Variants in DENND4C observed in about 807,000 individuals in gnomAD.
The protein encoded by DENND4C is DENN domain containing 4C, also known as DENN domain-containing protein 4C.
Under a neutral mutation model 203.0 loss-of-function variants are expected in DENND4C, and 108 were observed. The observed-to-expected ratio is 0.53, with a 90% CI of 0.46 to 0.62. The LOEUF is 0.62. Ranked by LOEUF, DENND4C falls within the 20% of genes least tolerant of loss-of-function variation. DENND4C has a pLI of 0.00. For missense variants in DENND4C, 2,481 were observed against 2,301.2 expected (o/e 1.08, Z -1.60); for synonymous variants, 871 against 792.4 (o/e 1.10, Z -1.67).
chr9:19,261,890 A>C (rs55973165), intron 1 of DENND4C, among the ~76,000 whole-genome samples: 2 of 151,716 alleles, frequency 1.3e-5, no homozygotes, highest in African/African-American at 2.4e-5. Context: ...TACTTCTTTG[A>C]TTATTAGGTT....
Position 19,361,902 on chromosome 9 carries a change from G to A in DENND4C, c.5463G>A (p.Trp1821Ter). The change falls in exon 30 of 33, where the codon TGG (tryptophan) becomes TGA (stop). Residue 1821 changes from tryptophan to a stop codon, truncating the protein, a stop_gained. Transcript: ENST00000434457. LOFTEE classifies it high-confidence loss of function. ...DSKLVYIQLL[W>*]DNINLHQEPR... ...AACTTGTGTATATTCAGCTGTTATG[G>A]GATAATATCAACCTTCATCAGGAAC... 1 of 1,612,766 alleles carries A rather than the reference G, an allele frequency of 6.2e-7. No individual in the cohort carries two copies. The highest frequency in any genetic ancestry group is 8.5e-7 in the Non-Finnish European group (1 of 1,178,992).
intron 29 of DENND4C, among the ~76,000 whole-genome samples, chr9:19,360,744 A>T (rs935239460): frequency 1.3e-5 from 2 of 152,168 alleles, no homozygotes; most frequent in Non-Finnish European, 2.9e-5. Context: ...CCAAGCTGTC[A>T]CATCTACTTT....
At chr9:19,273,952 A>G (rs1426932433) in intron 1 of DENND4C, among the ~76,000 whole-genome samples, 1 of 152,078 alleles carries the variant, frequency 6.6e-6, no homozygotes, top group Non-Finnish European at 1.5e-5. Flanking sequence ...AGATTTGTAC[A>G]TGGGTATTCA....
Position 19,242,156 on chromosome 9 carries a change from T to C in DENND4C, c.-18+11323T>C, listed in dbSNP as rs560536116. ...TAGTTTTGCCTTTTCTGGGATGTCT[T>C]ATAATTGAAATCATATAGTATGTAG... On this transcript the variant is annotated intron_variant, in intron 1 of 32. Coordinates refer to ENST00000434457, the MANE Select transcript of DENND4C (RefSeq NM_001330640.2). Among the ~76,000 whole-genome samples the C allele has an allele frequency of 1.2e-4, 19 of 152,352 alleles. No homozygotes were observed. In the South Asian group the frequency reaches 3.9e-3, roughly 32 times the overall value.
At chr9:19,247,665 T>C (rs1395411662) in intron 1 of DENND4C, among the ~76,000 whole-genome samples, 4 of 152,126 alleles carry the variant, frequency 2.6e-5, no homozygotes, top group African/African-American at 9.7e-5. Context: ...AAGGACTAGG[T>C]TTATAGGTGT....
At chr9:19,305,634 C>G in intron 10 of DENND4C, 107 bp downstream of exon 10, 2 of 1,185,372 alleles carry the variant, frequency 1.7e-6, no homozygotes, top group East Asian at 2.4e-5. Context: ...GTTGTTAAAT[C>G]TTCGTCTTAA....
rs1333146551 is a variant in DENND4C at position 19,299,274 on chromosome 9, C to T, written c.1153C>T (p.Pro385Ser). The T allele has an allele frequency of 1.3e-6, 2 of 1,579,378 alleles. No individual in the cohort carries two copies. Among genetic ancestry groups the T allele is most frequent in the African/African-American group, 1.4e-5 (1 of 72,632 alleles). ...AATATTATCACAGCCAGTTTCTACA[C>T]CTTTACCACTAAGGTAATTACTGGT... Reference protein sequence around the residue: ...ALILSQPVSTPLPLSGANFST... With the variant: ...ALILSQPVSTSLPLSGANFST... Residue 385 changes from proline (P) to serine (S), a missense_variant, in exon 8 of 33, where the codon CCT becomes TCT. Coordinates refer to ENST00000434457, the MANE Select transcript of DENND4C (RefSeq NM_001330640.2).
intron 20 of DENND4C, among the ~76,000 whole-genome samples, chr9:19,340,130 A>G (rs992079885): frequency 1.3e-5 from 2 of 152,074 alleles, no homozygotes; most frequent in Admixed American, 6.5e-5. Context: ...GTTCTTTTTC[A>G]TGGGGAATAG....
At chr9:19,273,259 A>G (rs781357407) in intron 1 of DENND4C, among the ~76,000 whole-genome samples, 1 of 151,336 alleles carries the variant, frequency 6.6e-6, no homozygotes, top group Non-Finnish European at 1.5e-5. Context: ...CAATTTTTGT[A>G]TTTTTTAGTA....
At chr9:19,330,496 C>A (rs981411713) in intron 16 of DENND4C, among the ~76,000 whole-genome samples, 5 of 151,790 alleles carry the variant, frequency 3.3e-5, no homozygotes, top group African/African-American at 9.7e-5. Context: ...CCCACCAACA[C>A]GCCCAACTAA....
intron 2 of DENND4C, 82 bp downstream of exon 2, chr9:19,276,561 A>G: frequency 2.5e-6 from 2 of 800,844 alleles, no homozygotes; most frequent in Non-Finnish European, 1.7e-6. Flanking sequence ...GAAATCCTTG[A>G]TAGTTTTATT....
chr9:19,296,301 A>G (rs996335504), intron 6 of DENND4C, 55 bp downstream of exon 6: 16 of 1,200,644 alleles, frequency 1.3e-5, no homozygotes, highest in African/African-American at 3.1e-5. Flanking sequence ...ATAAATATAT[A>G]CATTTGTTTG....
In DENND4C at chr9:19,358,449, C is replaced by G. The variant is rs1825833635; in HGVS notation, c.5160+289C>G. On this transcript the variant is annotated intron_variant, in intron 28 of 32. Coordinates refer to ENST00000434457, the MANE Select transcript of DENND4C (RefSeq NM_001330640.2). The surrounding 1 kb of genome is among the most constrained non-coding windows in gnomAD (Gnocchi z 4.8). ...TTTGAGATTATTTTGAAGCAAATTT[C>G]AAACATCACATATTCTGTTAGTAAA... Among the ~76,000 whole-genome samples the G allele has an allele frequency of 6.6e-6, 1 of 152,098 alleles. No homozygotes were observed. Among genetic ancestry groups the G allele is most frequent in the African/African-American group, 2.4e-5 (1 of 41,402 alleles).
chr9:19,352,442 A>T (rs777568324), intron 25 of DENND4C, 48 bp from the exon 26 acceptor site: 3 of 1,482,946 alleles, frequency 2.0e-6, no homozygotes, highest in East Asian at 4.6e-5. Context: ...TCCTGTTAAG[A>T]TTAATTTTTA....
chr9:19,372,947 T>G lies in DENND4C; in HGVS notation c.*774T>G, dbSNP rs1422293652. 1 of 151,530 alleles carries G rather than the reference T, an allele frequency of 6.6e-6. No homozygotes were observed. The highest frequency in any genetic ancestry group is 1.5e-5 in the Non-Finnish European group (1 of 67,918). The allele number at this position is 151,530 out of a possible 1,614,324, so 9.4% of individuals were successfully genotyped here. A position where few individuals can be genotyped will look rare whatever the true frequency, so the allele number is the denominator to read the frequency against. On this transcript the variant is annotated 3_prime_UTR_variant, in exon 33 of 33. Transcript: ENST00000434457. ...GTGTAGGTATGTGTATATACAGCCA[T>G]ATTCTAAGTGTATATTTATTAAAAT...
chr9:19,357,120 A>G lies in DENND4C; in HGVS notation c.4930A>G (p.Ile1644Val), dbSNP rs1466044437. 2.5e-6 allele frequency: 4 copies of G among 1,613,952 alleles called. No homozygotes were observed. The African/African-American group carries it at 4.0e-5, about 16-fold the overall frequency. ...FMDFPKHNQI[I>V]TEETGSAVEP... ...GGACTTCCCAAAACATAACCAGATCATAACTGAAGAAACAGGCTCTGCAGT... is the reference window on the plus strand; with the variant it reads ...GGACTTCCCAAAACATAACCAGATCGTAACTGAAGAAACAGGCTCTGCAGT... The change falls in exon 27 of 33, where the codon ATA becomes GTA. Residue 1644 changes from isoleucine (I) to valine (V), a missense_variant. Ile to Val is a conservative substitution (Grantham distance 29). Transcript: ENST00000434457.
At chr9:19,320,847 C>G (rs1175820556) in intron 12 of DENND4C, among the ~76,000 whole-genome samples, 1 of 152,160 alleles carries the variant, frequency 6.6e-6, no homozygotes, top group Non-Finnish European at 1.5e-5. Flanking sequence ...TTGCCTGGAT[C>G]CACTAGAAGG....
In DENND4C at chr9:19,336,912, T is replaced by C; in HGVS notation, c.2881+80T>C. ...CTTTTTCAAAAAGCTTCTTCCATTC[T>C]TGAGTTTGTGTGATATGACTACTTT... On this transcript the variant is annotated intron_variant, in intron 20 of 32. Transcript: ENST00000434457. The C allele has an allele frequency of 1.4e-6, 2 of 1,391,398 alleles. 1 individual carries two copies. The highest frequency in any genetic ancestry group is 2.8e-5 in the South Asian group (2 of 71,816). 86.2% of individuals were successfully genotyped at this position (1,391,398 alleles called of 1,614,324 possible).
intron 26 of DENND4C, among the ~76,000 whole-genome samples, chr9:19,356,387 T>C (rs1825401186): frequency 6.6e-6 from 1 of 152,074 alleles, no homozygotes; most frequent in African/African-American, 2.4e-5. Flanking sequence ...ATTAAACCCT[T>C]AGAAAACATT....
Sources: allele counts gnomAD v4.1 joint callset (sites outside exome capture counted in the v4.1 genomes callset), GRCh38; gene constraint gnomAD v4.1.1; non-coding constraint Gnocchi (gnomAD v3.1); transcripts MANE v1.5; gene names NCBI Gene and HGNC (gene_info 2026-07-23, HGNC 2026-07-21).